The following ITPR2 variants were observed in gnomAD, a reference collection of about 807,000 sequenced individuals.
ITPR2 encodes the protein inositol 1,4,5-trisphosphate-gated calcium channel ITPR2.
Under a neutral mutation model 317.1 loss-of-function variants are expected in ITPR2, and 207 were observed. The ratio of observed to expected loss-of-function variants is 0.65; its 90% CI spans 0.58 to 0.73. The LOEUF (loss-of-function observed/expected upper bound fraction) is 0.73, where lower values mean the gene tolerates loss of function less well. Ranked by LOEUF, ITPR2 falls within the 30% of genes least tolerant of loss-of-function variation. The probability of loss-of-function intolerance (pLI) is 0.00; values close to 1 mark genes in which losing one functional copy is unlikely to be tolerated. For synonymous variants in ITPR2, 1,156 were observed against 1,149.1 expected, an observed-to-expected ratio of 1.01 and a Z score of -0.12; for missense variants, 2,613 against 3,284.0, an observed-to-expected ratio of 0.80 and a Z score of 4.99.
In ITPR2 at chr12:26,658,132, T is replaced by A; in HGVS notation, c.1887-2A>T. On this transcript the variant is annotated splice_acceptor_variant, in intron 16 of 56. Coordinates refer to ENST00000381340, the MANE Select transcript of ITPR2 (RefSeq NM_002223.4). LOFTEE classifies it high-confidence loss of function. ...AGATCTGACAAATAATCCAAAAACC[T>A]GGCAAAAGAAAAAAATTAAATGGAA... is the stretch of plus-strand genomic sequence containing the variant. 6.5e-7 allele frequency: 1 copy of A among 1,543,626 alleles called. No individual in the cohort carries two copies. The highest frequency in any genetic ancestry group is 2.1e-5 in the Admixed American group (1 of 48,586).
chr12:26,581,938 G>A (rs1458789047), intron 32 of ITPR2, among the ~76,000 whole-genome samples: 2 of 152,130 alleles, frequency 1.3e-5, no homozygotes, highest in Non-Finnish European at 2.9e-5. Context: ...ATACCACACT[G>A]CATCTTCTGC....
intron 37 of ITPR2, among the ~76,000 whole-genome samples, chr12:26,515,467 G>A (rs1264490162): frequency 1.3e-5 from 2 of 152,034 alleles, no homozygotes; most frequent in Non-Finnish European, 1.5e-5. Context: ...TCCAGCATGT[G>A]CATGGCTAAT....
At chr12:26,791,177 C>T (rs1386810) in intron 1 of ITPR2, among the ~76,000 whole-genome samples, 118,647 of 152,088 alleles carry the variant, frequency 0.78, 46,508 homozygotes, top group East Asian at 0.96. Context: ...ATCTCTGAAC[C>T]GAGAGCCAGG....
At chr12:26,772,571 A>AATACAT (rs1239424657) in intron 2 of ITPR2, among the ~76,000 whole-genome samples, 1 of 140,814 alleles carries the variant, frequency 7.1e-6, no homozygotes, top group Non-Finnish European at 1.5e-5. Context: ...TTATATATAT[A>AATACAT]TATGTATCTT....
chr12:26,739,706 T>C (rs1949198321), intron 2 of ITPR2, among the ~76,000 whole-genome samples: 1 of 152,198 alleles, frequency 6.6e-6, no homozygotes, highest in Admixed American at 6.5e-5. Context: ...ATGTAAGTGA[T>C]TTAAGTATTG....
At chr12:26,459,020 G>C (rs746421770) in intron 45 of ITPR2, among the ~76,000 whole-genome samples, 7 of 152,232 alleles carry the variant, frequency 4.6e-5, no homozygotes, top group East Asian at 1.9e-4. Context: ...TAGTCTGGTA[G>C]ATAAAGAGCT....
intron 1 of ITPR2, among the ~76,000 whole-genome samples, chr12:26,808,979 C>G (rs184329409): frequency 9.2e-5 from 14 of 152,298 alleles, no homozygotes; most frequent in Admixed American, 9.2e-4. Flanking sequence ...GGAGTCTTAA[C>G]CACCTGTATT....
intron 36 of ITPR2, among the ~76,000 whole-genome samples, chr12:26,554,361 G>T (rs1944607269): frequency 6.6e-6 from 1 of 152,180 alleles, no homozygotes; most frequent in Non-Finnish European, 1.5e-5. Context: ...ATAACCATGT[G>T]TGGCTAGTAG....
chr12:26,634,305 G>A (rs1946817299), intron 21 of ITPR2, among the ~76,000 whole-genome samples: 1 of 152,162 alleles, frequency 6.6e-6, no homozygotes, highest in Admixed American at 6.5e-5. Flanking sequence ...TTCCTCCAGA[G>A]AAAAACTTCT....
At chr12:26,812,574 G>A (rs1398266006) in intron 1 of ITPR2, among the ~76,000 whole-genome samples, 3 of 151,768 alleles carry the variant, frequency 2.0e-5, no homozygotes, top group East Asian at 1.9e-4. Context: ...GCGAGACTCC[G>A]TCTCAAAAAA....
chr12:26,694,110 T>C (rs1309435474), intron 10 of ITPR2, among the ~76,000 whole-genome samples: 3 of 152,168 alleles, frequency 2.0e-5, no homozygotes, highest in African/African-American at 4.8e-5. Flanking sequence ...GCCCCTGACA[T>C]CCAATAGGTG....
chr12:26,736,806 T>C (rs1052481914), intron 2 of ITPR2, among the ~76,000 whole-genome samples: 1 of 152,198 alleles, frequency 6.6e-6, no homozygotes, highest in African/African-American at 2.4e-5. Context: ...AAGGAACACA[T>C]CCATGTTGGG....
At chr12:26,531,213 C>T (rs1035919986) in intron 37 of ITPR2, among the ~76,000 whole-genome samples, 1 of 152,154 alleles carries the variant, frequency 6.6e-6, no homozygotes. Flanking sequence ...ACTGAAATAT[C>T]GGAGGCAGTG....
chr12:26,756,666 CAA>C (rs1277545546), intron 2 of ITPR2, among the ~76,000 whole-genome samples: 1 of 152,200 alleles, frequency 6.6e-6, no homozygotes, highest in Admixed American at 6.5e-5. Context: ...ACCCTGAACA[CAA>C]GAGATGCTAA....
rs1261690570 is a variant in ITPR2, at chr12:26,665,967, G to T, written c.1494C>A (p.Ile498=). ...TTTGACGCTCTCGGTTTGGCTTAGTGATAACCACATCCAGAACTTCTTGTC... is the reference window on the plus strand; with the variant it reads ...TTTGACGCTCTCGGTTTGGCTTAGTTATAACCACATCCAGAACTTCTTGTC... The part of the protein sequence containing the change: ...NNGQEVLDVV[I]TKPNRERQKL... Residue 498 remains isoleucine, a synonymous_variant, in exon 14 of 57, where the codon ATC becomes ATA. Coordinates refer to ENST00000381340, the MANE Select transcript of ITPR2 (RefSeq NM_002223.4). 6.2e-7 allele frequency: 1 copy of T among 1,613,868 alleles called. No individual in the cohort carries two copies. The highest frequency in any genetic ancestry group is 2.2e-5 in the East Asian group (1 of 44,868).
At chr12:26,621,397 AGT>A in intron 25 of ITPR2, 101 bp from the exon 26 acceptor site, 1 of 789,370 alleles carries the variant, frequency 1.3e-6, no homozygotes, top group Non-Finnish European at 2.0e-6. Context: ...CCTAGAAGTA[AGT>A]GTGAACACTT....
chr12:26,394,949 C>G (rs2136641341), intron 54 of ITPR2, among the ~76,000 whole-genome samples: 1 of 151,974 alleles, frequency 6.6e-6, no homozygotes, highest in Non-Finnish European at 1.5e-5. Flanking sequence ...TTACTAATAG[C>G]AATATGGATG....
intron 37 of ITPR2, among the ~76,000 whole-genome samples, chr12:26,544,065 G>A (rs1288593829): frequency 2.6e-5 from 4 of 152,062 alleles, no homozygotes; most frequent in African/African-American, 9.7e-5. Context: ...TCCCCTTAAA[G>A]ACTTTCTATA....
intron 55 of ITPR2, among the ~76,000 whole-genome samples, chr12:26,376,235 T>G (rs142368323): frequency 6.6e-5 from 10 of 152,332 alleles, no homozygotes; most frequent in Admixed American, 2.0e-4. Context: ...AGGTATCATC[T>G]AAAATATCTC....
Sources: allele counts gnomAD v4.1 joint callset (sites outside exome capture counted in the v4.1 genomes callset), GRCh38; gene constraint gnomAD v4.1.1; transcripts MANE v1.5; gene names NCBI Gene and HGNC (gene_info 2026-07-23, HGNC 2026-07-21).